The following DAPK2 variants were observed in gnomAD, a reference collection of about 807,000 sequenced individuals.
The protein encoded by DAPK2 is death-associated protein kinase 2.
DAPK2 carries 35 observed loss-of-function variants against 44.1 expected under a neutral mutation model. That is an observed-to-expected ratio of 0.79 (90% CI 0.61 to 1.05). The LOEUF (loss-of-function observed/expected upper bound fraction) is 1.05. Among genes scored for constraint, DAPK2 ranks in the 50% least tolerant of loss-of-function variants. The probability of loss-of-function intolerance (pLI) is 0.00; values close to 1 mark genes in which losing one functional copy is unlikely to be tolerated. For missense variants in DAPK2, 453 were observed against 483.2 expected (o/e 0.94, Z 0.59); for synonymous variants, 174 against 182.6 (o/e 0.95, Z 0.38).
chr15:63,915,762 CAT>C (rs2078910732), intron 8 of DAPK2, among the ~76,000 whole-genome samples: 1 of 152,202 alleles, frequency 6.6e-6, no homozygotes, highest in African/African-American at 2.4e-5. Context: ...GAGGAGGCAG[CAT>C]GGGGCTATCA....
At chr15:64,021,639 A>G (rs2079686283) in intron 1 of DAPK2, among the ~76,000 whole-genome samples, 1 of 152,238 alleles carries the variant, frequency 6.6e-6, no homozygotes, top group Non-Finnish European at 1.5e-5. Flanking sequence ...CTTGAAATAC[A>G]GAATGAATCC....
intron 2 of DAPK2, among the ~76,000 whole-genome samples, chr15:63,973,520 C>A (rs1406138891): frequency 2.0e-5 from 3 of 152,188 alleles, no homozygotes; most frequent in Non-Finnish European, 4.4e-5. Context: ...CCTGTCCCAC[C>A]ATCATATTTT....
intron 2 of DAPK2, among the ~76,000 whole-genome samples, chr15:63,972,530 T>C (rs2078241352): frequency 6.6e-6 from 1 of 152,166 alleles, no homozygotes; most frequent in South Asian, 2.1e-4. Flanking sequence ...ATGAGGAACA[T>C]GTTACTGGTC....
At chr15:64,018,217 C>T (rs773304848) in intron 1 of DAPK2, among the ~76,000 whole-genome samples, 4 of 152,136 alleles carry the variant, frequency 2.6e-5, no homozygotes, top group Non-Finnish European at 4.4e-5. Context: ...GGCGGGCAGA[C>T]AAGCATTCTC....
At chr15:64,016,602 T>C (rs1003892825) in intron 1 of DAPK2, among the ~76,000 whole-genome samples, 14 of 152,110 alleles carry the variant, frequency 9.2e-5, no homozygotes, top group African/African-American at 3.4e-4. Flanking sequence ...AAGACCAGCC[T>C]AGGCAAGTAG....
At chr15:63,991,396 C>T (rs938864673) in intron 1 of DAPK2, 5 of 452,720 alleles carry the variant, frequency 1.1e-5, no homozygotes, top group Non-Finnish European at 1.8e-5. Context: ...TGACTCTTCT[C>T]CCAGCTAATG....
At chr15:63,914,680 T>A (rs941979239) in intron 8 of DAPK2, among the ~76,000 whole-genome samples, 1 of 152,134 alleles carries the variant, frequency 6.6e-6, no homozygotes, top group Non-Finnish European at 1.5e-5. Flanking sequence ...ATTTTCTACC[T>A]CTCTGCTTCC....
chr15:63,982,595 C>T (rs148901359), intron 2 of DAPK2, among the ~76,000 whole-genome samples: 8 of 152,284 alleles, frequency 5.3e-5, no homozygotes, highest in African/African-American at 9.6e-5. Flanking sequence ...CTGCCCAGGA[C>T]GATACCAGCG....
At chr15:63,937,010 G>T (rs553757782) in intron 4 of DAPK2, among the ~76,000 whole-genome samples, 23 of 148,364 alleles carry the variant, frequency 1.6e-4, no homozygotes, top group Admixed American at 2.0e-4. Flanking sequence ...ATCCAATTTT[G>T]TAGGAGGAGG....
chr15:63,923,372 A>T lies in DAPK2; in HGVS notation c.858+1444T>A. 1 of 1,525,490 alleles carries T rather than the reference A, an allele frequency of 6.6e-7. No homozygotes were observed. The highest frequency in any genetic ancestry group is 8.8e-7 in the Non-Finnish European group (1 of 1,139,516). The allele number at this position is 1,525,490 out of a possible 1,614,324, so 94.5% of individuals were successfully genotyped here. On this transcript the variant is annotated intron_variant, in intron 8 of 10. Coordinates refer to ENST00000261891, the Ensembl canonical transcript of DAPK2. The surrounding 1 kb of genome is among the most constrained non-coding windows in gnomAD (Gnocchi z 4.2). ...GTGGGTGTTCAGACAGAAGAATCAG[A>T]GTGTTAATTTGCCGCCCACCCCAGA...
chr15:63,907,546 A>C (rs900573896), exon 11 of DAPK2: 1 of 151,816 alleles, frequency 6.6e-6, no homozygotes, highest in African/African-American at 2.4e-5. Flanking sequence ...CAGCCCCTGG[A>C]GTAGCTGGGA....
chr15:64,046,483 G>T, upstream of DAPK2: 1 of 172,530 alleles, frequency 5.8e-6, no homozygotes, highest in Non-Finnish European at 1.1e-5. This position sits in a 1 kb window ranked among gnomAD's most constrained non-coding sequence, Gnocchi z 5.3. Flanking sequence ...CCTAGGAGCC[G>T]AGGGGGCGGA....
At chr15:63,958,896 C>T (rs1166031461) in intron 3 of DAPK2, among the ~76,000 whole-genome samples, 1 of 152,156 alleles carries the variant, frequency 6.6e-6, no homozygotes, top group Non-Finnish European at 1.5e-5. Flanking sequence ...TGAAGAAAGT[C>T]ATTGGTAGCT....
At chr15:63,938,810 A>C (rs1258949093) in intron 4 of DAPK2, among the ~76,000 whole-genome samples, 1 of 152,190 alleles carries the variant, frequency 6.6e-6, no homozygotes, top group Non-Finnish European at 1.5e-5. Context: ...GAGTGGGTGG[A>C]TGTGGTATTT....
intron 3 of DAPK2, chr15:63,942,327 G>C: frequency 1.2e-6 from 1 of 837,082 alleles, no homozygotes; most frequent in Non-Finnish European, 1.4e-6. Context: ...AAGGCAGGGG[G>C]TATCACCTGA....
At chr15:63,975,755 C>T (rs1326872417) in intron 2 of DAPK2, among the ~76,000 whole-genome samples, 3 of 152,146 alleles carry the variant, frequency 2.0e-5, no homozygotes, top group South Asian at 2.1e-4. Flanking sequence ...CATGCCGCTA[C>T]GCCCAGCTAA....
intron 1 of DAPK2, among the ~76,000 whole-genome samples, chr15:64,031,028 G>A (rs2079999836): frequency 6.7e-6 from 1 of 148,214 alleles, no homozygotes; most frequent in South Asian, 2.1e-4. Context: ...AATTTGCATA[G>A]TATAATAGAA....
intron 3 of DAPK2, among the ~76,000 whole-genome samples, chr15:63,947,950 T>C (rs1221755000): frequency 3.3e-5 from 5 of 152,016 alleles, no homozygotes; most frequent in Non-Finnish European, 5.9e-5. Context: ...TCCCCACTTG[T>C]ATTAGTCCAT....
At chr15:64,022,039 G>T (rs778502616) in intron 1 of DAPK2, among the ~76,000 whole-genome samples, 1 of 152,166 alleles carries the variant, frequency 6.6e-6, no homozygotes, top group African/African-American at 2.4e-5. Flanking sequence ...TGGCCTAGAC[G>T]TTGGTCTGGA....
Sources: allele counts gnomAD v4.1 joint callset (sites outside exome capture counted in the v4.1 genomes callset), GRCh38; gene constraint gnomAD v4.1.1; non-coding constraint Gnocchi (gnomAD v3.1); transcripts MANE v1.5; gene names NCBI Gene and HGNC (gene_info 2026-07-23, HGNC 2026-07-21).